The following SH3GLB2 variants were observed in gnomAD, a reference collection of about 807,000 sequenced individuals.
SH3GLB2 encodes the protein SH3 domain containing GRB2 like, endophilin B2.
A neutral mutation model predicts 48.0 loss-of-function variants in SH3GLB2; 24 were observed. The observed-to-expected ratio is 0.50, with a 90% CI of 0.36 to 0.70. The LOEUF (loss-of-function observed/expected upper bound fraction) is 0.70. Among genes scored for constraint, SH3GLB2 ranks in the 30% least tolerant of loss-of-function variants. The probability of loss-of-function intolerance (pLI) is 0.00; values close to 1 mark genes in which losing one functional copy is unlikely to be tolerated. For synonymous variants in SH3GLB2, 227 were observed against 207.6 expected (o/e 1.09, Z -0.80); for missense variants, 425 against 516.0 (o/e 0.82, Z 1.71).
chr9:129,023,151 C>A (rs1478068821), intron 1 of SH3GLB2, among the ~76,000 whole-genome samples: 1 of 152,118 alleles, frequency 6.6e-6, no homozygotes, highest in African/African-American at 2.4e-5. Flanking sequence ...CTGATGGGTG[C>A]AGAGACGTCT....
intron 1 of SH3GLB2, among the ~76,000 whole-genome samples, chr9:129,025,852 T>C (rs990082350): frequency 1.4e-5 from 2 of 146,438 alleles, no homozygotes; most frequent in Admixed American, 6.8e-5. Context: ...ATCCATCCCA[T>C]GTCCACTGCA....
At chr9:129,021,022 G>C in intron 3 of SH3GLB2, 69 bp downstream of exon 3, 4 of 1,369,892 alleles carry the variant, frequency 2.9e-6, no homozygotes, top group Non-Finnish European at 3.8e-6. Flanking sequence ...GTAAAAAAAA[G>C]GAAGGGAGGG....
intron 1 of SH3GLB2, among the ~76,000 whole-genome samples, chr9:129,024,545 C>T (rs931971491): frequency 3.7e-5 from 5 of 134,662 alleles, no homozygotes; most frequent in Non-Finnish European, 7.9e-5. Flanking sequence ...CCACAGAGTG[C>T]GACTCAGTCT....
intron 9 of SH3GLB2, 143 bp from the exon 10 acceptor site, chr9:129,009,489 C>G (rs1458005833): frequency 1.3e-6 from 2 of 1,548,922 alleles, no homozygotes; most frequent in Non-Finnish European, 1.7e-6. Context: ...AAGGGAAAAG[C>G]AAAGCAAGGG....
intron 2 of SH3GLB2, among the ~76,000 whole-genome samples, 177 bp from the exon 3 acceptor site, chr9:129,021,396 G>A (rs749613192): frequency 1.3e-5 from 2 of 152,150 alleles, no homozygotes; most frequent in Non-Finnish European, 2.9e-5. Context: ...ACTATACAGA[G>A]GAGGAAGCCA....
intron 3 of SH3GLB2, among the ~76,000 whole-genome samples, chr9:129,019,747 T>G (rs993810389): frequency 6.6e-6 from 1 of 151,212 alleles, no homozygotes; most frequent in Non-Finnish European, 1.5e-5. Flanking sequence ...TGTGGAGATG[T>G]TTGTACAACT....
chr9:129,013,130 G>A, intron 5 of SH3GLB2: 1 of 1,263,902 alleles, frequency 7.9e-7, no homozygotes, highest in Non-Finnish European at 1.1e-6. Context: ...GGGACACCAG[G>A]CGGTCGGGCG....
chr9:129,013,857 T>C (rs1391659509), intron 5 of SH3GLB2: 2 of 345,536 alleles, frequency 5.8e-6, no homozygotes, highest in Admixed American at 3.6e-5. Flanking sequence ...CTGCGTCCCA[T>C]TGACCCAGCC....
intron 3 of SH3GLB2, among the ~76,000 whole-genome samples, chr9:129,018,538 C>T (rs1196967338): frequency 6.7e-6 from 1 of 150,242 alleles, no homozygotes; most frequent in Non-Finnish European, 1.5e-5. Context: ...GATTGCGCCA[C>T]TGCACTCCAG....
intron 8 of SH3GLB2, 104 bp from the exon 9 acceptor site, chr9:129,009,975 G>A: frequency 7.2e-7 from 1 of 1,386,268 alleles, no homozygotes. Flanking sequence ...GGCATTCCAG[G>A]GTGCCCTGCC....
At chr9:129,012,997 G>C in intron 5 of SH3GLB2, 2 of 1,551,106 alleles carry the variant, frequency 1.3e-6, no homozygotes, top group African/African-American at 1.4e-5. Flanking sequence ...GCGTGGGACA[G>C]GTATACTCAC....
intron 5 of SH3GLB2, 99 bp from the exon 6 acceptor site, chr9:129,012,397 C>A: frequency 1.4e-6 from 1 of 692,494 alleles, no homozygotes. Context: ...AAGGAGATGC[C>A]AAGAGGCCTG....
rs888658613 is a variant in SH3GLB2 at position 129,008,706 on chromosome 9, G to T, written c.1166C>A (p.Thr389Asn). The T allele has an allele frequency of 6.2e-7, 1 of 1,613,994 alleles. No homozygotes were observed. Among genetic ancestry groups the T allele is most frequent in the Non-Finnish European group, 8.5e-7 (1 of 1,179,978 alleles). ...TGCCTAGCTGAGCAGTTCCAAGTAG[G>T]TGACAGGGACCTTGCCCTTCTTGTT... ...RGNKKGKVPV[T>N]YLELLS The change falls in exon 11 of 11, where the codon ACC becomes AAC. Residue 389 changes from threonine to asparagine, a missense_variant. Coordinates refer to ENST00000372564, the MANE Select transcript of SH3GLB2 (RefSeq NM_020145.4).
chr9:129,008,967 A>G, intron 10 of SH3GLB2, 139 bp downstream of exon 10: 2 of 1,418,536 alleles, frequency 1.4e-6, no homozygotes, highest in African/African-American at 1.4e-5. Flanking sequence ...TCCTTTCCTC[A>G]GAGCTGGATA....
Position 129,008,223 on chromosome 9 carries a change from C to A in SH3GLB2, c.*461G>T. ...GCCCAACACCAGCCCTGGCCAGGCT[C>A]TCCCCTCCCAGGGGCAGCGCCCAGT... On this transcript the variant is annotated 3_prime_UTR_variant, in exon 11 of 11. Coordinates refer to ENST00000372564, the MANE Select transcript of SH3GLB2 (RefSeq NM_020145.4). The A allele has an allele frequency of 5.7e-6, 1 of 176,464 alleles. No individual in the cohort carries two copies. The highest frequency in any genetic ancestry group is 2.4e-5 in the African/African-American group (1 of 42,086). 10.9% of individuals were successfully genotyped at this position (176,464 alleles called of 1,614,324 possible).
At position 129,028,322 on chromosome 9, in the gene SH3GLB2, G is replaced by A. The variant is rs979133563; in HGVS notation, c.-168C>T. On this transcript the variant is annotated 5_prime_UTR_variant, in exon 1 of 11. Coordinates refer to ENST00000372564, the MANE Select transcript of SH3GLB2 (RefSeq NM_020145.4). ...CCCGCCGCAGCCGCCGAGCCAGCCCGAGCGCGCAGGGCGGGGCGCGGAGGC... is the reference window on the plus strand; with the variant it reads ...CCCGCCGCAGCCGCCGAGCCAGCCCAAGCGCGCAGGGCGGGGCGCGGAGGC... The A allele has an allele frequency of 4.4e-5, 12 of 271,796 alleles. No homozygotes were observed. The highest frequency in any genetic ancestry group is 5.6e-5 in the Non-Finnish European group (10 of 179,930). 16.8% of individuals were successfully genotyped at this position (271,796 alleles called of 1,614,324 possible). A position where few individuals can be genotyped will look rare whatever the true frequency, so the allele number is the denominator to read the frequency against.
intron 3 of SH3GLB2, among the ~76,000 whole-genome samples, chr9:129,017,101 G>C (rs1350813478): frequency 6.6e-6 from 1 of 151,730 alleles, no homozygotes; most frequent in Admixed American, 6.6e-5. Flanking sequence ...GCGCGCACCA[G>C]CATGCCCAGC....
chr9:129,018,884 T>C (rs1843613391), intron 3 of SH3GLB2, among the ~76,000 whole-genome samples: 1 of 141,700 alleles, frequency 7.1e-6, no homozygotes, highest in South Asian at 2.2e-4. Context: ...AGAGTGAGAC[T>C]CCATCTCAAA....
chr9:129,014,050 GTAGTAGAGT>G lies in SH3GLB2; in HGVS notation c.561+352_561+360del. On this transcript the variant is annotated intron_variant, in intron 5 of 10. Coordinates refer to ENST00000372564, the MANE Select transcript of SH3GLB2 (RefSeq NM_020145.4). This position sits in a 1 kb window ranked among gnomAD's most constrained non-coding sequence, Gnocchi z 4.1. The stretch of plus-strand genomic sequence containing the variant: ...CCTCGGCCTGACGTTCAAGCAGCAA[GTAGTAGAGT>G]TAGTAAGAAGGTGCCATGCCCGGGC... The G allele has an allele frequency of 2.0e-6, 1 of 508,872 alleles. No individual in the cohort carries two copies. The highest frequency in any genetic ancestry group is 3.8e-6 in the Non-Finnish European group (1 of 261,682). The allele number at this position is 508,872 out of a possible 1,614,324, so 31.5% of individuals were successfully genotyped here.
Sources: allele counts gnomAD v4.1 joint callset (sites outside exome capture counted in the v4.1 genomes callset), GRCh38; gene constraint gnomAD v4.1.1; non-coding constraint Gnocchi (gnomAD v3.1); transcripts MANE v1.5; gene names NCBI Gene and HGNC (gene_info 2026-07-23, HGNC 2026-07-21).